The following PPP1R1C variants were observed in gnomAD, a reference collection of about 807,000 sequenced individuals.
PPP1R1C encodes protein phosphatase 1 regulatory inhibitor subunit 1C.
A neutral mutation model predicts 17.4 loss-of-function variants in PPP1R1C; 15 were observed. The ratio of observed to expected loss-of-function variants is 0.86; its 90% CI spans 0.58 to 1.33. The LOEUF (loss-of-function observed/expected upper bound fraction) is 1.33. Ranked by LOEUF, PPP1R1C falls within the 40% of genes most tolerant of loss-of-function variation. PPP1R1C has a pLI of 0.00. For missense variants in PPP1R1C, 143 were observed against 130.0 expected, an observed-to-expected ratio of 1.10 and a Z score of -0.48; for synonymous variants, 35 against 43.1, an observed-to-expected ratio of 0.81 and a Z score of 0.73.
chr2:182,017,149 A>T (rs1330378314), intron 2 of PPP1R1C, among the ~76,000 whole-genome samples: 1 of 152,160 alleles, frequency 6.6e-6, no homozygotes, highest in African/African-American at 2.4e-5. Context: ...CTATATCTTT[A>T]GTGCATTTAT....
intron 2 of PPP1R1C, chr2:182,048,842 G>A (rs1260976867): frequency 6.6e-6 from 1 of 152,276 alleles, no homozygotes; most frequent in Admixed American, 6.5e-5. Context: ...CTACCACCCT[G>A]AAAGCGCCCC....
In PPP1R1C at chr2:181,962,395, C is replaced by T. The variant is rs1247939455; in HGVS notation, n.111+7761C>T. 4.0e-6 allele frequency: 3 copies of T among 759,078 alleles called. No homozygotes were observed. The highest frequency in any genetic ancestry group is 1.7e-5 in the African/African-American group (1 of 57,682). The allele number at this position is 759,078 out of a possible 1,614,324, so 47.0% of individuals were successfully genotyped here. A position where few individuals can be genotyped will look rare whatever the true frequency, so the allele number is the denominator to read the frequency against. ...CATAGACGCTGGCCATGCAGCTGGC[C>T]GGCCGGGCGCCGTAGTTGGACACCT... On this transcript the variant is annotated intron_variant and non_coding_transcript_variant, in intron 1 of 5. Coordinates refer to the PPP1R1C transcript ENST00000464264. The surrounding 1 kb of genome is among the most constrained non-coding windows in gnomAD (Gnocchi z 6.0).
chr2:181,979,695 G>T (rs1337148362), intron 2 of PPP1R1C, among the ~76,000 whole-genome samples: 1 of 152,138 alleles, frequency 6.6e-6, no homozygotes, highest in Non-Finnish European at 1.5e-5. Flanking sequence ...CTAGGTCAGG[G>T]ACTGAGTGAA....
intron 1 of PPP1R1C, among the ~76,000 whole-genome samples, chr2:181,966,489 GT>G (rs922343447): frequency 1.3e-5 from 2 of 151,690 alleles, no homozygotes; most frequent in African/African-American, 2.4e-5. Flanking sequence ...TCTATACCCA[GT>G]TTTTTTAGTA....
upstream of PPP1R1C, among the ~76,000 whole-genome samples, chr2:181,981,336 T>A (rs1685191342): frequency 6.6e-6 from 1 of 152,202 alleles, no homozygotes; most frequent in South Asian, 2.1e-4. Context: ...TATACTTAAG[T>A]GCTGTGGGAA....
chr2:181,997,931 T>C (rs985300683), intron 2 of PPP1R1C, among the ~76,000 whole-genome samples: 1 of 152,198 alleles, frequency 6.6e-6, no homozygotes. Flanking sequence ...CTCCTTCATG[T>C]CTTAAATATA....
intron 2 of PPP1R1C, among the ~76,000 whole-genome samples, chr2:182,041,765 C>T (rs1159872482): frequency 4.6e-5 from 7 of 151,878 alleles, no homozygotes; most frequent in Non-Finnish European, 7.4e-5. Flanking sequence ...AACATACGTC[C>T]GTATGTTCTT....
Position 182,076,197 on chromosome 2 carries a change from C to CTTTTTTTTTTT in PPP1R1C, c.241+12437_241+12447dup, listed in dbSNP as rs1165789924. On this transcript the variant is annotated intron_variant, in intron 4 of 4. Coordinates refer to ENST00000682840, the MANE Select transcript of PPP1R1C (RefSeq NM_001080545.3). ...GATTTTGAACTTTTTTTTTTCTTTT[C>CTTTTTTTTTTT]TTTTTTTTTTTTTTTTTTTTTTTTT... Among the ~76,000 whole-genome samples, 97 of 25,858 alleles carry CTTTTTTTTTTT rather than the reference C, an allele frequency of 3.8e-3. 29 individuals carry two copies. Among genetic ancestry groups the CTTTTTTTTTTT allele is most frequent in the Non-Finnish European group, 3.8e-3 (63 of 16,608 alleles). The allele number at this position is 25,858 out of a possible 152,430, so 17.0% of individuals were successfully genotyped here. A position where few individuals can be genotyped will look rare whatever the true frequency, so the allele number is the denominator to read the frequency against.
intron 2 of PPP1R1C, among the ~76,000 whole-genome samples, chr2:182,038,900 A>C (rs1687096706): frequency 6.6e-6 from 1 of 152,140 alleles, no homozygotes; most frequent in Non-Finnish European, 1.5e-5. Flanking sequence ...AATAGAAAAT[A>C]ATTTTCTAAT....
At chr2:182,100,446 G>C (rs1164221976) in intron 4 of PPP1R1C, among the ~76,000 whole-genome samples, 5 of 151,414 alleles carry the variant, frequency 3.3e-5, no homozygotes, top group Non-Finnish European at 7.4e-5. Context: ...GGAGGTGGAG[G>C]TTGCAGTGAG....
chr2:181,956,259 T>C (rs965057293), intron 1 of PPP1R1C, among the ~76,000 whole-genome samples: 1 of 152,220 alleles, frequency 6.6e-6, no homozygotes, highest in Admixed American at 6.5e-5. Flanking sequence ...TAGTATTCCA[T>C]GGTGTATATG....
At chr2:181,955,759 GA>G (rs1359772175) in intron 1 of PPP1R1C, among the ~76,000 whole-genome samples, 1 of 152,112 alleles carries the variant, frequency 6.6e-6, no homozygotes, top group African/African-American at 2.4e-5. Flanking sequence ...CACTTTTCTT[GA>G]TTATTAAGAA....
At chr2:182,078,016 T>G (rs576614733) in intron 4 of PPP1R1C, among the ~76,000 whole-genome samples, 1 of 151,966 alleles carries the variant, frequency 6.6e-6, no homozygotes, top group African/African-American at 2.4e-5. Flanking sequence ...TATCTCTACT[T>G]GAAAATGCAA....
downstream of PPP1R1C, among the ~76,000 whole-genome samples, chr2:182,120,128 T>A (rs566204295): frequency 3.9e-5 from 6 of 152,318 alleles, no homozygotes; most frequent in East Asian, 1.2e-3. Flanking sequence ...TACATATGGC[T>A]AGCCAGTTTT....
chr2:182,083,987 GT>G (rs1376576291), intron 4 of PPP1R1C, among the ~76,000 whole-genome samples: 1 of 152,030 alleles, frequency 6.6e-6, no homozygotes, highest in Non-Finnish European at 1.5e-5. Flanking sequence ...TTTCATTGTG[GT>G]TTTAATCTGC....
At chr2:182,127,985 C>T (rs1689916503) in intron 5 of PPP1R1C, among the ~76,000 whole-genome samples, 1 of 152,008 alleles carries the variant, frequency 6.6e-6, no homozygotes, top group African/African-American at 2.4e-5. Flanking sequence ...TAGAACCAGT[C>T]AGATATTATT....
intron 5 of PPP1R1C, among the ~76,000 whole-genome samples, chr2:182,127,848 T>G (rs919369988): frequency 6.6e-6 from 1 of 152,004 alleles, no homozygotes; most frequent in African/African-American, 2.4e-5. Context: ...GTTTTGGGAT[T>G]TTCTTCTTCC....
chr2:182,045,302 G>C (rs1687310001), intron 2 of PPP1R1C, among the ~76,000 whole-genome samples: 1 of 152,024 alleles, frequency 6.6e-6, no homozygotes, highest in African/African-American at 2.4e-5. Flanking sequence ...ATGTTATTTA[G>C]GATGAAAAGT....
chr2:182,021,530 G>A (rs1452619386), intron 2 of PPP1R1C, among the ~76,000 whole-genome samples: 1 of 151,874 alleles, frequency 6.6e-6, no homozygotes, highest in Non-Finnish European at 1.5e-5. Context: ...GTTTCACCAT[G>A]TTGGCCAGGA....
Sources: allele counts gnomAD v4.1 joint callset (sites outside exome capture counted in the v4.1 genomes callset), GRCh38; gene constraint gnomAD v4.1.1; non-coding constraint Gnocchi (gnomAD v3.1); transcripts MANE v1.5; gene names NCBI Gene and HGNC (gene_info 2026-07-23, HGNC 2026-07-21).